The following TMEM74 variants were observed in gnomAD, a reference collection of about 807,000 sequenced individuals.
TMEM74 encodes transmembrane protein 74.
TMEM74 carries 13 observed loss-of-function variants against 18.1 expected under a neutral mutation model. The observed-to-expected ratio is 0.72, with a 90% CI of 0.47 to 1.14. The LOEUF (loss-of-function observed/expected upper bound fraction) is 1.14. TMEM74 is among the 50% of genes most tolerant of loss of function. The pLI is 0.00. For synonymous variants in TMEM74, 159 were observed against 146.6 expected (o/e 1.08, Z -0.61); for missense variants, 372 against 375.9 (o/e 0.99, Z 0.09).
At chr8:108,742,176 A>C (rs2130646807) in intron 1 of TMEM74, among the ~76,000 whole-genome samples, 1 of 152,242 alleles carries the variant, frequency 6.6e-6, no homozygotes, top group East Asian at 1.9e-4. Context: ...GAGCAGAAAA[A>C]AAATAACTAT....
chr8:108,780,379 T>G lies in TMEM74; in HGVS notation c.*3802A>C, dbSNP rs1041137464. Among the ~76,000 whole-genome samples the G allele has an allele frequency of 6.6e-6, 1 of 152,188 alleles. No individual in the cohort carries two copies. The highest frequency in any genetic ancestry group is 2.4e-5 in the African/African-American group (1 of 41,450). On this transcript the variant is annotated 3_prime_UTR_variant, in exon 2 of 2. Coordinates refer to ENST00000297459, the MANE Select transcript of TMEM74 (RefSeq NM_153015.3). ...GAAGACCAAAATGTTCACATGCTCC[T>G]GCCTAGAATTTTTGCTTGTCAGAAG...
intron 1 of TMEM74, among the ~76,000 whole-genome samples, chr8:108,676,248 C>T (rs978137306): frequency 1.3e-5 from 2 of 152,118 alleles, no homozygotes; most frequent in African/African-American, 2.4e-5. Context: ...TATGTCACTA[C>T]TCCACCCAAC....
At chr8:108,731,558 A>G (rs1169359759) in intron 1 of TMEM74, among the ~76,000 whole-genome samples, 1 of 152,072 alleles carries the variant, frequency 6.6e-6, no homozygotes, top group Non-Finnish European at 1.5e-5. Context: ...TACTGGGAGG[A>G]TTAGGTGATA....
intron 1 of TMEM74, among the ~76,000 whole-genome samples, chr8:108,785,956 T>A (rs1047469701): frequency 3.9e-5 from 6 of 152,172 alleles, no homozygotes; most frequent in African/African-American, 1.2e-4. Flanking sequence ...AACCCACTCC[T>A]CCACACACAC....
intron 1 of TMEM74, among the ~76,000 whole-genome samples, chr8:108,756,710 AAGAAAGAAAG>A (rs1313486831): frequency 8.9e-5 from 10 of 112,002 alleles, no homozygotes; most frequent in Non-Finnish European, 1.1e-4. Context: ...GAAGGAAAGA[AAGAAAGAAAG>A]AGAAAGAAAG....
downstream of TMEM74, among the ~76,000 whole-genome samples, chr8:108,774,117 A>G (rs1166474154): frequency 6.6e-6 from 1 of 152,222 alleles, no homozygotes; most frequent in East Asian, 1.9e-4. Context: ...ATATGTAGAA[A>G]TGAAGAAAAT....
At chr8:108,626,165 T>C (rs369429806) in intron 2 of TMEM74, among the ~76,000 whole-genome samples, 4 of 152,216 alleles carry the variant, frequency 2.6e-5, no homozygotes, top group Admixed American at 1.3e-4. Context: ...GTATTACAAC[T>C]ATTTTCTACA....
chr8:108,702,159 G>A (rs1033546980), intron 1 of TMEM74, among the ~76,000 whole-genome samples: 3 of 151,516 alleles, frequency 2.0e-5, no homozygotes, highest in Admixed American at 1.3e-4. Context: ...CCTGGCCAAC[G>A]TAGTGAAACC....
rs529152288 is a variant in TMEM74 at position 108,634,658 on chromosome 8, G to A, written n.264+20635C>T. Reference sequence around the variant, plus strand: ...GGGGACTCTTCACTCTAAGAAAACCGAGACCACTGCTCCTCTTTAGGCATG... The same window carrying A: ...GGGGACTCTTCACTCTAAGAAAACCAAGACCACTGCTCCTCTTTAGGCATG... On this transcript the variant is annotated intron_variant and non_coding_transcript_variant, in intron 2 of 3. Coordinates refer to the TMEM74 transcript ENST00000518838. Among the ~76,000 whole-genome samples, 170 of 152,066 alleles carry A rather than the reference G, an allele frequency of 1.1e-3. 1 individual carries two copies. The highest frequency in any genetic ancestry group is 1.8e-3 in the Non-Finnish European group (125 of 67,928).
chr8:108,756,612 A>G (rs13252936), intron 1 of TMEM74, among the ~76,000 whole-genome samples: 2 of 75,656 alleles, frequency 2.6e-5, no homozygotes, highest in Admixed American at 1.3e-4. Context: ...GGAAGGAAGG[A>G]AGGAAGGAAG....
At chr8:108,726,083 T>C (rs1181981220) in intron 1 of TMEM74, among the ~76,000 whole-genome samples, 2 of 152,200 alleles carry the variant, frequency 1.3e-5, no homozygotes, top group Non-Finnish European at 2.9e-5. Context: ...CCATATTGAT[T>C]GGGCCTGCTT....
At chr8:108,639,065 T>A (rs1199105649) in intron 2 of TMEM74, among the ~76,000 whole-genome samples, 1 of 152,042 alleles carries the variant, frequency 6.6e-6, no homozygotes, top group Non-Finnish European at 1.5e-5. Context: ...CCAAGCAAGG[T>A]CATCCTAAAC....
intron 2 of TMEM74, among the ~76,000 whole-genome samples, chr8:108,649,791 G>C (rs573811536): frequency 6.6e-5 from 10 of 152,236 alleles, no homozygotes; most frequent in African/African-American, 2.4e-4. Flanking sequence ...TCAGTAGCCA[G>C]GTGGCTGTGG....
intron 1 of TMEM74, among the ~76,000 whole-genome samples, chr8:108,753,119 G>T (rs191310873): frequency 1.2e-4 from 18 of 152,094 alleles, no homozygotes; most frequent in African/African-American, 3.4e-4. Flanking sequence ...CTCTTAATTT[G>T]CTGGAGTTTT....
At chr8:108,613,770 C>A (rs529629457) in intron 2 of TMEM74, among the ~76,000 whole-genome samples, 1 of 152,156 alleles carries the variant, frequency 6.6e-6, no homozygotes, top group East Asian at 1.9e-4. Context: ...TAGACACATT[C>A]CCCAGGGCTC....
At chr8:108,636,733 T>A (rs1812610458) in intron 2 of TMEM74, among the ~76,000 whole-genome samples, 1 of 151,386 alleles carries the variant, frequency 6.6e-6, no homozygotes, top group East Asian at 1.9e-4. Flanking sequence ...ATTGCCTGAG[T>A]GTACTCAGGA....
Position 108,784,743 on chromosome 8 carries a change from T to G in TMEM74, c.356A>C (p.Asn119Thr), listed in dbSNP as rs765844482. The G allele has an allele frequency of 1.9e-6, 3 of 1,614,196 alleles. No individual in the cohort carries two copies. Among genetic ancestry groups the G allele is most frequent in the African/African-American group, 1.3e-5 (1 of 75,046 alleles). ...TSFTYVDKNI[N>T]LEQRNRSSPS... ...CGAGCTCCGGTTCCGCTGCTCCAAGTTGATGTTTTTGTCCACATAGGTAAA... is the reference window on the plus strand; with the variant it reads ...CGAGCTCCGGTTCCGCTGCTCCAAGGTGATGTTTTTGTCCACATAGGTAAA... Residue 119 changes from asparagine (N) to threonine (T), a missense_variant, in exon 2 of 2, where the codon AAC becomes ACC. Physicochemically the swap from Asn to Thr is moderately conservative, Grantham distance 65. Transcript: ENST00000297459.
chr8:108,689,675 T>C (rs981747755), intron 1 of TMEM74, among the ~76,000 whole-genome samples: 1 of 152,224 alleles, frequency 6.6e-6, no homozygotes, highest in Non-Finnish European at 1.5e-5. Flanking sequence ...GATTCCAGTT[T>C]ATTGAAAAAT....
At chr8:108,669,404 A>G (rs1812980904) in intron 1 of TMEM74, among the ~76,000 whole-genome samples, 1 of 152,214 alleles carries the variant, frequency 6.6e-6, no homozygotes, top group African/African-American at 2.4e-5. Flanking sequence ...CATTTAAAAC[A>G]TTTACTGAGC....
Sources: gnomAD v4.1 joint callset for allele counts (sites outside exome capture counted in the v4.1 genomes callset) on GRCh38, gnomAD v4.1.1 for gene constraint, MANE v1.5 for transcripts, NCBI Gene and HGNC (gene_info 2026-07-23, HGNC 2026-07-21) for gene names.